The following EML6 variants were observed in gnomAD, a reference collection of about 807,000 sequenced individuals.
The protein encoded by EML6 is EMAP like 6.
In EML6, 154 loss-of-function variants were observed where a neutral mutation model predicts 240.1. The observed-to-expected ratio is 0.64, with a 90% confidence interval of 0.56 to 0.73. The LOEUF (loss-of-function observed/expected upper bound fraction) is 0.73, where lower values mean the gene tolerates loss of function less well. EML6 is among the 30% of genes least tolerant of loss of function. The probability of loss-of-function intolerance (pLI) is 0.00; values close to 1 mark genes in which losing one functional copy is unlikely to be tolerated. For synonymous variants in EML6, 1,148 were observed against 899.0 expected, an observed-to-expected ratio of 1.28 and a Z score of -4.95; for missense variants, 2,964 against 2,474.6, an observed-to-expected ratio of 1.20 and a Z score of -4.20.
intron 28 of EML6, among the ~76,000 whole-genome samples, chr2:54,929,055 G>T (rs899619231): frequency 6.6e-6 from 1 of 152,210 alleles, no homozygotes. Flanking sequence ...CCCCAAAGCA[G>T]TCCTGACTGT....
At chr2:54,931,027 G>T (rs898018674) in intron 28 of EML6, among the ~76,000 whole-genome samples, 1 of 140,914 alleles carries the variant, frequency 7.1e-6, no homozygotes, top group Non-Finnish European at 1.5e-5. Flanking sequence ...GCGCGATCTC[G>T]GCTCACTGCA....
At chr2:54,798,762 A>G (rs544549371) in intron 2 of EML6, among the ~76,000 whole-genome samples, 3 of 152,204 alleles carry the variant, frequency 2.0e-5, no homozygotes, top group African/African-American at 7.2e-5. Context: ...TTATTTTCCA[A>G]TCTTTATACC....
intron 2 of EML6, among the ~76,000 whole-genome samples, chr2:54,763,969 A>AC (rs1358647287): frequency 3.3e-5 from 5 of 152,166 alleles, no homozygotes; most frequent in African/African-American, 9.7e-5. Flanking sequence ...TAGGGTTTTG[A>AC]CCCAGGGGTG....
chr2:54,968,884 C>CT (rs1244735843), intron 41 of EML6, 116 bp downstream of exon 41: 1 of 608,616 alleles, frequency 1.6e-6, no homozygotes, highest in African/African-American at 1.9e-5. Flanking sequence ...TGATGTGGGG[C>CT]TAATAAACAG....
chr2:54,900,998 G>A (rs961271679), intron 22 of EML6, among the ~76,000 whole-genome samples: 2 of 152,168 alleles, frequency 1.3e-5, no homozygotes, highest in African/African-American at 4.8e-5. Flanking sequence ...TTTATAAGCA[G>A]ACATGAGGAT....
At chr2:54,919,436 C>G (rs1281951544) in intron 26 of EML6, among the ~76,000 whole-genome samples, 1 of 152,146 alleles carries the variant, frequency 6.6e-6, no homozygotes, top group African/African-American at 2.4e-5. Flanking sequence ...TTCCTTTCTT[C>G]TCCTTCCTTT....
chr2:54,953,958 C>G, intron 31 of EML6, 25 bp from the exon 32 acceptor site: 1 of 1,531,010 alleles, frequency 6.5e-7, no homozygotes, highest in Non-Finnish European at 8.8e-7. Context: ...AGCCTTACTT[C>G]TTTGTCATGC....
chr2:54,823,779 A>G (rs1026742663), intron 5 of EML6, among the ~76,000 whole-genome samples: 3 of 147,174 alleles, frequency 2.0e-5, no homozygotes. Flanking sequence ...TTGATTTGTG[A>G]TTGTTTCCCT....
At chr2:54,966,893 G>A in intron 38 of EML6, 107 bp from the exon 39 acceptor site, 1 of 688,936 alleles carries the variant, frequency 1.5e-6, no homozygotes, top group Non-Finnish European at 2.5e-6. Context: ...TTGGAGAAAA[G>A]CCCTAGGGAT....
At position 54,894,964 on chromosome 2, in the gene EML6, T is replaced by C. The variant is rs527895576; in HGVS notation, c.2792T>C (p.Met931Thr). 32 of 1,551,486 alleles carry C rather than the reference T, an allele frequency of 2.1e-5. No individual in the cohort carries two copies. The highest frequency in any genetic ancestry group is 3.9e-5 in the Admixed American group (2 of 50,990). ...GGCATCGTGGAGCTCTGGGATGATA[T>C]GTTTGAAAGATGTTTGAAGACTTAT... ...KDGIVELWDD[M>T]FERCLKTYAI... Residue 931 changes from methionine to threonine, a missense_variant, in exon 20 of 42, where the codon ATG becomes ACG. Physicochemically the swap from Met to Thr is moderately conservative, Grantham distance 81. Coordinates refer to ENST00000356458, the MANE Select transcript of EML6 (RefSeq NM_001039753.4).
chr2:54,964,275 C>T (rs1676653412), intron 37 of EML6, 117 bp downstream of exon 37: 1 of 1,011,298 alleles, frequency 9.9e-7, no homozygotes, highest in Non-Finnish European at 1.4e-6. Context: ...TCACTTTCAA[C>T]AAGCCACCTA....
At chr2:54,821,216 T>A (rs937727447) in intron 5 of EML6, among the ~76,000 whole-genome samples, 1 of 152,176 alleles carries the variant, frequency 6.6e-6, no homozygotes, top group Admixed American at 6.5e-5. Flanking sequence ...TGAATGAAGA[T>A]TTTCCTCTAA....
At chr2:54,850,347 A>C in intron 10 of EML6, 129 bp downstream of exon 10, 1 of 755,050 alleles carries the variant, frequency 1.3e-6, no homozygotes, top group South Asian at 2.0e-5. Flanking sequence ...GCCGGAAAGC[A>C]CCCCCACCTC....
At chr2:54,786,727 C>T (rs1044813345) in intron 2 of EML6, among the ~76,000 whole-genome samples, 4 of 152,170 alleles carry the variant, frequency 2.6e-5, no homozygotes, top group Admixed American at 6.5e-5. Flanking sequence ...CCCAGATGCT[C>T]GAGTTTCCAT....
chr2:54,914,876 C>A (rs1673827618), intron 25 of EML6, among the ~76,000 whole-genome samples: 1 of 152,114 alleles, frequency 6.6e-6, no homozygotes, highest in South Asian at 2.1e-4. Flanking sequence ...ATGCCCATTT[C>A]AAATCCATCT....
rs1180213432 is a variant in EML6 at position 54,964,004 on chromosome 2, A to G, written c.5176A>G (p.Ser1726Gly). The G allele has an allele frequency of 1.2e-5, 19 of 1,550,830 alleles. No homozygotes were observed. The highest frequency in any genetic ancestry group is 1.6e-5 in the Non-Finnish European group (18 of 1,146,778). The change falls in exon 37 of 42, where the codon AGC becomes GGC. Residue 1726 changes from serine (S) to glycine (G), a missense_variant. By Grantham distance (56) the Ser-to-Gly change is moderately conservative. Coordinates refer to ENST00000356458, the MANE Select transcript of EML6 (RefSeq NM_001039753.4). The stretch of plus-strand genomic sequence containing the variant: ...AATGTAGAAGCTGTTAAACAAGGTG[A>G]GCTTGGGCCATGCGGCCAGGTGTGC... ...LADKKLLNKV[S>G]LGHAARCAAY...
chr2:54,854,411 A>C (rs1163902978), intron 11 of EML6, among the ~76,000 whole-genome samples: 1 of 152,176 alleles, frequency 6.6e-6, no homozygotes, highest in Non-Finnish European at 1.5e-5. Flanking sequence ...GTTTTGTTAA[A>C]ATTGTTTGAC....
intron 2 of EML6, among the ~76,000 whole-genome samples, chr2:54,739,745 G>T (rs1424608471): frequency 6.6e-6 from 1 of 152,204 alleles, no homozygotes; most frequent in Non-Finnish European, 1.5e-5. Flanking sequence ...GGTTAGGGAA[G>T]GCTTTCTGGA....
At chr2:54,899,596 A>T in intron 21 of EML6, 45 bp from the exon 22 acceptor site, 1 of 1,531,078 alleles carries the variant, frequency 6.5e-7, no homozygotes, top group South Asian at 1.2e-5. Context: ...GGGCTAGCCA[A>T]ACAGCATAAG....
Sources: gnomAD v4.1 joint callset for allele counts (sites outside exome capture counted in the v4.1 genomes callset) on GRCh38, gnomAD v4.1.1 for gene constraint, MANE v1.5 for transcripts, NCBI Gene and HGNC (gene_info 2026-07-23, HGNC 2026-07-21) for gene names.